ARMC2: variants seen among roughly 807,000 people sequenced by gnomAD.
ARMC2 encodes armadillo repeat-containing protein 2.
Under a neutral mutation model 90.3 loss-of-function variants are expected in ARMC2, and 67 were observed. The ratio of observed to expected loss-of-function variants is 0.74; its 90% confidence interval spans 0.61 to 0.91. ARMC2 has a LOEUF of 0.91. Among genes scored for constraint, ARMC2 ranks in the 40% least tolerant of loss-of-function variants. ARMC2 has a pLI of 0.00. For synonymous variants in ARMC2, 393 were observed against 393.0 expected, an observed-to-expected ratio of 1.00 and a Z score of 0.00; for missense variants, 920 against 1,030.9, an observed-to-expected ratio of 0.89 and a Z score of 1.47.
intron 6 of ARMC2, among the ~76,000 whole-genome samples, chr6:108,899,392 A>G (rs758600961): frequency 5.1e-4 from 78 of 152,306 alleles, no homozygotes; most frequent in Non-Finnish European, 1.2e-4. Context: ...TTAAGTAAAA[A>G]TGTACTCAAA....
intron 5 of ARMC2, among the ~76,000 whole-genome samples, chr6:108,893,426 T>C (rs1771290953): frequency 6.6e-6 from 1 of 152,180 alleles, no homozygotes; most frequent in South Asian, 2.1e-4. Flanking sequence ...CTTGGGCACA[T>C]CTGGCCAGCT....
the ARMC2 span, among the ~76,000 whole-genome samples, chr6:108,990,278 C>G: frequency 1.3e-5 from 2 of 152,170 alleles, no homozygotes; most frequent in African/African-American, 2.4e-5. Context: ...TATAAGGGTA[C>G]TGATTTCCAA....
intron 2 of ARMC2, among the ~76,000 whole-genome samples, chr6:108,857,017 GTTC>G (rs146533708): frequency 0.018 from 2,809 of 152,090 alleles, 50 homozygotes; most frequent in East Asian, 0.091. Flanking sequence ...CTTTTAATTT[GTTC>G]TTCTTGTTCA....
chr6:109,008,799 A>C, the ARMC2 span: 2 of 985,480 alleles, frequency 2.0e-6, no homozygotes, highest in Non-Finnish European at 2.4e-6. Flanking sequence ...ACGCAAGAGT[A>C]AACGCTGTGC....
chr6:108,997,072 T>C, the ARMC2 span, among the ~76,000 whole-genome samples: 3 of 152,160 alleles, frequency 2.0e-5, no homozygotes, highest in Non-Finnish European at 4.4e-5. Flanking sequence ...CATTTGTATC[T>C]GAAGAGCTGA....
At chr6:109,015,033 A>G in the ARMC2 span, among the ~76,000 whole-genome samples, 1 of 152,188 alleles carries the variant, frequency 6.6e-6, no homozygotes, top group African/African-American at 2.4e-5. Context: ...ACCCTCAAAA[A>G]TTATGTATCG....
chr6:108,955,405 A>C (rs1471490022), intron 13 of ARMC2, among the ~76,000 whole-genome samples: 1 of 152,068 alleles, frequency 6.6e-6, no homozygotes, highest in Non-Finnish European at 1.5e-5. Flanking sequence ...TTGAAAACGC[A>C]TTTTCATATC....
chr6:108,855,547 G>C (rs1018444034), intron 2 of ARMC2, among the ~76,000 whole-genome samples: 1 of 152,116 alleles, frequency 6.6e-6, no homozygotes, highest in Non-Finnish European at 1.5e-5. Context: ...GACCTCGCCC[G>C]GCCAAGTTTT....
At position 108,859,335 on chromosome 6, in the gene ARMC2, G is replaced by A. The variant is rs188052270; in HGVS notation, c.291+1064G>A. Among the ~76,000 whole-genome samples the A allele has an allele frequency of 2.2e-4, 33 of 151,844 alleles. No homozygotes were observed. The East Asian group carries it at 5.2e-3, about 24-fold the overall frequency. ...CCTCCTGGGGAGACGGCTTCTCCTT[G>A]TGCTGGCTTTTTCGTGGTTCTTATG... On this transcript the variant is annotated intron_variant, in intron 3 of 17. Coordinates refer to ENST00000392644, the MANE Select transcript of ARMC2 (RefSeq NM_032131.6).
At chr6:108,891,523 T>C (rs1771022336) in intron 5 of ARMC2, among the ~76,000 whole-genome samples, 1 of 152,256 alleles carries the variant, frequency 6.6e-6, no homozygotes, top group Non-Finnish European at 1.5e-5. Flanking sequence ...CTTTTTAAAA[T>C]ATATTTGTTG....
chr6:108,853,493 A>C (rs7757796), intron 1 of ARMC2, among the ~76,000 whole-genome samples: 1,794 of 152,214 alleles, frequency 0.012, 33 homozygotes, highest in African/African-American at 0.042. Context: ...TTTTTTTTTA[A>C]GAAACACCTA....
chr6:108,880,743 C>T (rs1284369267), intron 5 of ARMC2, among the ~76,000 whole-genome samples: 8 of 137,696 alleles, frequency 5.8e-5, no homozygotes, highest in Non-Finnish European at 1.3e-4. Flanking sequence ...TCCCTCTTCT[C>T]CTTCCTTCCT....
chr6:108,891,632 G>A (rs1771040722), intron 5 of ARMC2, among the ~76,000 whole-genome samples: 1 of 152,102 alleles, frequency 6.6e-6, no homozygotes, highest in African/African-American at 2.4e-5. Flanking sequence ...GTTCTTTGTA[G>A]ATTCTGGATA....
intron 11 of ARMC2, among the ~76,000 whole-genome samples, chr6:108,935,845 T>C (rs1775918283): frequency 2.6e-5 from 4 of 152,156 alleles, no homozygotes; most frequent in Admixed American, 2.6e-4. Context: ...TGTTCTTACA[T>C]TTCCAAAAAA....
chr6:109,016,258 G>GT, the ARMC2 span, among the ~76,000 whole-genome samples: 1 of 152,150 alleles, frequency 6.6e-6, no homozygotes, highest in East Asian at 1.9e-4. Flanking sequence ...AAATCCAGTT[G>GT]TTTTTGTTTA....
intron 10 of ARMC2, among the ~76,000 whole-genome samples, chr6:108,927,592 A>C (rs1333995417): frequency 1.3e-5 from 2 of 152,048 alleles, no homozygotes; most frequent in Non-Finnish European, 2.9e-5. Flanking sequence ...AGATCTTAAT[A>C]CTTGTCTCTT....
downstream of ARMC2, among the ~76,000 whole-genome samples, chr6:108,975,502 A>G (rs1252829988): frequency 6.6e-6 from 1 of 152,172 alleles, no homozygotes; most frequent in African/African-American, 2.4e-5. Context: ...ATGATTTATA[A>G]TCCTTTGGGT....
At chr6:108,889,333 A>G (rs959073252) in intron 5 of ARMC2, among the ~76,000 whole-genome samples, 7 of 150,338 alleles carry the variant, frequency 4.7e-5, no homozygotes, top group African/African-American at 1.7e-4. Context: ...TTTAGTAGAG[A>G]TGGAGTTTCA....
At chr6:108,979,812 G>A in the ARMC2 span, among the ~76,000 whole-genome samples, 6 of 151,634 alleles carry the variant, frequency 4.0e-5, no homozygotes, top group Admixed American at 2.0e-4. Context: ...TATGCTTCAC[G>A]AAGTTCTTGT....
Sources: allele counts gnomAD v4.1 joint callset (sites outside exome capture counted in the v4.1 genomes callset), GRCh38; gene constraint gnomAD v4.1.1; transcripts MANE v1.5; gene names NCBI Gene and HGNC (gene_info 2026-07-23, HGNC 2026-07-21).